Variants in KAZN observed in about 807,000 individuals in gnomAD.
The protein encoded by KAZN is kazrin.
Under a neutral mutation model 87.4 loss-of-function variants are expected in KAZN, and 40 were observed. The observed-to-expected ratio is 0.46, with a 90% CI of 0.36 to 0.60. The LOEUF (loss-of-function observed/expected upper bound fraction) is 0.60, where lower values mean the gene tolerates loss of function less well. KAZN is among the 20% of genes least tolerant of loss of function. The probability of loss-of-function intolerance (pLI) is 0.00; values close to 1 mark genes in which losing one functional copy is unlikely to be tolerated. For synonymous variants in KAZN, 466 were observed against 458.3 expected (o/e 1.02, Z -0.22); for missense variants, 898 against 1,073.9 (o/e 0.84, Z 2.29).
chr1:14,226,698 A>G (rs942480302), intron 2 of KAZN, among the ~76,000 whole-genome samples: 9 of 152,210 alleles, frequency 5.9e-5, no homozygotes, highest in Non-Finnish European at 1.3e-4. Flanking sequence ...TGGTACATAT[A>G]CACCATGCAA....
chr1:15,059,608 G>A (rs1638607949), intron 5 of KAZN, among the ~76,000 whole-genome samples: 4 of 152,162 alleles, frequency 2.6e-5, no homozygotes. Flanking sequence ...GAGAGAAGCA[G>A]GCAGATTTGG....
At chr1:15,058,447 C>T (rs1396898725) in intron 5 of KAZN, among the ~76,000 whole-genome samples, 1 of 152,236 alleles carries the variant, frequency 6.6e-6, no homozygotes, top group Non-Finnish European at 1.5e-5. Context: ...TGGCATGCCG[C>T]CTGCACATGG....
intron 2 of KAZN, among the ~76,000 whole-genome samples, chr1:14,988,591 A>G (rs1667056840): frequency 6.6e-6 from 1 of 152,250 alleles, no homozygotes; most frequent in Non-Finnish European, 1.5e-5. Context: ...GGGTACATCC[A>G]ATAGTCAGGA....
chr1:14,370,068 G>A (rs1428974872), intron 2 of KAZN, among the ~76,000 whole-genome samples: 2 of 152,200 alleles, frequency 1.3e-5, no homozygotes, highest in African/African-American at 2.4e-5. Context: ...CTTTGCACTA[G>A]ACACCAAGAG....
At chr1:14,878,711 C>T (rs1045909996) in intron 1 of KAZN, among the ~76,000 whole-genome samples, 2 of 152,218 alleles carry the variant, frequency 1.3e-5, no homozygotes, top group Admixed American at 6.5e-5. Context: ...AGATGCCCAT[C>T]TCAGGTCCAC....
chr1:14,162,737 G>A, intron 1 of KAZN, among the ~76,000 whole-genome samples: 1 of 151,826 alleles, frequency 6.6e-6, no homozygotes, highest in Non-Finnish European at 1.5e-5. Context: ...GTAGAGACGT[G>A]GTTTCACCGT....
intron 1 of KAZN, among the ~76,000 whole-genome samples, chr1:14,863,861 A>G (rs905740892): frequency 2.0e-5 from 3 of 152,208 alleles, no homozygotes; most frequent in African/African-American, 7.2e-5. Flanking sequence ...AGGCCAAGGC[A>G]CAGAGATCCA....
chr1:14,679,215 G>A (rs892891165), intron 1 of KAZN, among the ~76,000 whole-genome samples: 3 of 152,156 alleles, frequency 2.0e-5, no homozygotes, highest in Non-Finnish European at 4.4e-5. Flanking sequence ...GCCGCATGAG[G>A]AAGTACCAGG....
At position 13,983,118 on chromosome 1, in the gene KAZN, G is replaced by C. The variant is rs550107292; in HGVS notation, c.91+89362G>C. Among the ~76,000 whole-genome samples, 303 of 152,364 alleles carry C rather than the reference G, an allele frequency of 2.0e-3. 2 individuals carry two copies. Among genetic ancestry groups the C allele is most frequent in the African/African-American group, 7.0e-3 (292 of 41,586 alleles). The stretch of plus-strand genomic sequence containing the variant: ...TGGCTTCACCCAGTGGATCTCGCAC[G>C]GGGGCTGCAGGTGGAGCTGCCTGGC... On this transcript the variant is annotated intron_variant, in intron 1 of 16. Coordinates refer to the KAZN transcript ENST00000636203.
chr1:15,003,019 C>G (rs1668651576), intron 2 of KAZN, among the ~76,000 whole-genome samples: 1 of 151,230 alleles, frequency 6.6e-6, no homozygotes, highest in Admixed American at 6.6e-5. Flanking sequence ...CACACACACA[C>G]ACACACACAC....
At chr1:14,753,661 A>G (rs988062752) in intron 1 of KAZN, among the ~76,000 whole-genome samples, 3 of 152,206 alleles carry the variant, frequency 2.0e-5, no homozygotes, top group African/African-American at 7.2e-5. Context: ...GAATGGAAAC[A>G]AACTTAGTTT....
chr1:14,085,724 A>C (rs570890822), intron 1 of KAZN, among the ~76,000 whole-genome samples: 1 of 152,168 alleles, frequency 6.6e-6, no homozygotes, highest in Non-Finnish European at 1.5e-5. Flanking sequence ...ACATTCACAT[A>C]CAAGTCTTTC....
intron 1 of KAZN, among the ~76,000 whole-genome samples, chr1:13,901,046 A>C (rs1407988465): frequency 2.0e-5 from 3 of 151,816 alleles, no homozygotes; most frequent in African/African-American, 7.3e-5. Flanking sequence ...ATCATTGAAA[A>C]AAAAAAAACA....
At chr1:14,583,834 TC>T (rs1282136547) in intron 2 of KAZN, among the ~76,000 whole-genome samples, 10 of 152,000 alleles carry the variant, frequency 6.6e-5, no homozygotes, top group Non-Finnish European at 1.2e-4. Context: ...ACATTTGTAT[TC>T]CCCCCTCCCC....
intron 1 of KAZN, among the ~76,000 whole-genome samples, chr1:14,869,050 T>C (rs1161612401): frequency 1.3e-5 from 2 of 152,062 alleles, no homozygotes; most frequent in African/African-American, 4.8e-5. Flanking sequence ...AGATTCCCCT[T>C]CTCTAGTTCC....
chr1:14,984,124 T>A (rs1666536349), intron 2 of KAZN, among the ~76,000 whole-genome samples: 1 of 152,036 alleles, frequency 6.6e-6, no homozygotes, highest in South Asian at 2.1e-4. Flanking sequence ...CCAAGCACTT[T>A]GGGAGGCCGA....
intron 2 of KAZN, among the ~76,000 whole-genome samples, chr1:14,264,526 A>G (rs915973163): frequency 1.3e-5 from 2 of 152,132 alleles, no homozygotes; most frequent in Non-Finnish European, 2.9e-5. Flanking sequence ...TGTGTTCTTG[A>G]TAAAAGGATG....
chr1:14,544,125 G>GA (rs1672980481), intron 2 of KAZN, among the ~76,000 whole-genome samples: 1 of 152,070 alleles, frequency 6.6e-6, no homozygotes, highest in Non-Finnish European at 1.5e-5. Context: ...ATTGAAATCA[G>GA]AAATTTAAAG....
At chr1:14,110,527 AT>A (rs1333244808) in intron 1 of KAZN, among the ~76,000 whole-genome samples, 3 of 152,168 alleles carry the variant, frequency 2.0e-5, no homozygotes, top group Admixed American at 2.0e-4. Flanking sequence ...TATCCAGATC[AT>A]TTTGTAGTTT....
Sources: gnomAD v4.1 joint callset for allele counts (sites outside exome capture counted in the v4.1 genomes callset) on GRCh38, gnomAD v4.1.1 for gene constraint, MANE v1.5 for transcripts, NCBI Gene and HGNC (gene_info 2026-07-23, HGNC 2026-07-21) for gene names.